Variants in ZNF341 observed in about 807,000 individuals in gnomAD.
The protein encoded by ZNF341 is zinc finger protein 341.
A neutral mutation model predicts 87.7 loss-of-function variants in ZNF341; 52 were observed. That is an observed-to-expected ratio of 0.59 (90% CI 0.47 to 0.75). The LOEUF is 0.75. Among genes scored for constraint, ZNF341 ranks in the 30% least tolerant of loss-of-function variants. ZNF341 has a pLI of 0.00. For synonymous variants in ZNF341, 459 were observed against 472.7 expected, an observed-to-expected ratio of 0.97 and a Z score of 0.38; for missense variants, 977 against 1,145.9, an observed-to-expected ratio of 0.85 and a Z score of 2.13.
intron 10 of ZNF341, among the ~76,000 whole-genome samples, chr20:33,776,821 A>G (rs1240158209): frequency 6.6e-6 from 1 of 151,524 alleles, no homozygotes; most frequent in East Asian, 2.0e-4. Context: ...TCCTAGGTAA[A>G]TTTGTTTGTT....
In ZNF341 at chr20:33,761,896, T is replaced by C; in HGVS notation, c.1063T>C (p.Cys355Arg). ...TGEKPFQCIA[C>R]GRAFAQKSNV... ...TGAGAAGCCCTTCCAGTGCATTGCA[T>C]GTGGCCGTGCCTTTGCCCAGAAGTC... Residue 355 changes from cysteine to arginine, a missense_variant, in exon 8 of 15, where the codon TGT becomes CGT. Transcript: ENST00000375200. The C allele has an allele frequency of 6.3e-7, 1 of 1,587,080 alleles. No homozygotes were observed. The highest frequency in any genetic ancestry group is 8.6e-7 in the Non-Finnish European group (1 of 1,160,396).
chr20:33,758,872 C>T (rs2019235760), intron 7 of ZNF341, 66 bp downstream of exon 7: 17 of 1,393,518 alleles, frequency 1.2e-5, no homozygotes, highest in African/African-American at 2.8e-5. Context: ...GTGCTGGAAG[C>T]GAGACTCCCT....
In ZNF341 at chr20:33,792,038, G is replaced by A. The variant is rs1424492760; in HGVS notation, c.*521G>A. The A allele has an allele frequency of 6.5e-6, 1 of 153,794 alleles. No homozygotes were observed. Among genetic ancestry groups the A allele is most frequent in the Non-Finnish European group, 1.4e-5 (1 of 69,132 alleles). 9.5% of individuals were successfully genotyped at this position (153,794 alleles called of 1,614,324 possible). A position where few individuals can be genotyped will look rare whatever the true frequency, so the allele number is the denominator to read the frequency against. On this transcript the variant is annotated 3_prime_UTR_variant, in exon 15 of 15. Coordinates refer to ENST00000375200, the MANE Select transcript of ZNF341 (RefSeq NM_001282933.2). ...ACTCAGGTGTCACGGCTAGACTGCA[G>A]CTATGAGACAGATCTGGCTTCAAAT...
Position 33,749,167 on chromosome 20 carries a change from C to T in ZNF341, c.489+95C>T, listed in dbSNP as rs929764190. 4.6e-5 allele frequency: 68 copies of T among 1,471,040 alleles called. No homozygotes were observed. The Admixed American group carries it at 1.2e-3, about 26-fold the overall frequency. The allele number at this position is 1,471,040 out of a possible 1,614,324, so 91.1% of individuals were successfully genotyped here. A position where few individuals can be genotyped will look rare whatever the true frequency, so the allele number is the denominator to read the frequency against. On this transcript the variant is annotated intron_variant, in intron 4 of 14. Transcript: ENST00000375200. Reference sequence around the variant, plus strand: ...TCTTGTAGAATAAAGGGGGCCTGGCCCCAGCTCTCCCTGATGCTGAGGGAG... The same window carrying T: ...TCTTGTAGAATAAAGGGGGCCTGGCTCCAGCTCTCCCTGATGCTGAGGGAG...
chr20:33,783,967 C>A, intron 12 of ZNF341, 103 bp downstream of exon 12: 2 of 1,177,462 alleles, frequency 1.7e-6, no homozygotes, highest in East Asian at 2.5e-5. Context: ...GCTCTTCTCC[C>A]TGTCTCCCTC....
intron 1 of ZNF341, among the ~76,000 whole-genome samples, chr20:33,736,665 A>G (rs922559357): frequency 1.3e-5 from 2 of 152,046 alleles, no homozygotes; most frequent in South Asian, 2.1e-4. Context: ...AATTTTTTCT[A>G]TTTTTAGTAG....
At position 33,745,090 on chromosome 20, in the gene ZNF341, G is replaced by C. The variant is rs375153639; in HGVS notation, c.143-13G>C. 9 of 1,605,098 alleles carry C rather than the reference G, an allele frequency of 5.6e-6. No homozygotes were observed. The African/African-American group carries it at 1.2e-4, about 21-fold the overall frequency. The stretch of plus-strand genomic sequence containing the variant: ...TGTGGCCTCTTCCCACTACTCTGCG[G>C]GTATGACCCCAGATGACGAGGATGT... On this transcript the variant is annotated splice_polypyrimidine_tract_variant and intron_variant, in intron 2 of 14. Coordinates refer to ENST00000375200, the MANE Select transcript of ZNF341 (RefSeq NM_001282933.2).
intron 5 of ZNF341, among the ~76,000 whole-genome samples, chr20:33,753,676 T>C (rs971287685): frequency 1.3e-5 from 2 of 152,100 alleles, no homozygotes; most frequent in African/African-American, 4.8e-5. Context: ...AAATATAAGC[T>C]GCCTGCAGGT....
At chr20:33,751,455 G>GCA (rs1420411291) in intron 4 of ZNF341, among the ~76,000 whole-genome samples, 1 of 152,090 alleles carries the variant, frequency 6.6e-6, no homozygotes, top group African/African-American at 2.4e-5. Context: ...GGGGAGGTGG[G>GCA]GAGAGGTTGC....
intron 10 of ZNF341, among the ~76,000 whole-genome samples, chr20:33,778,125 G>A (rs1304254583): frequency 6.6e-6 from 1 of 151,986 alleles, no homozygotes; most frequent in Non-Finnish European, 1.5e-5. Flanking sequence ...CCTGGCTATT[G>A]GTAAACAATC....
intron 5 of ZNF341, among the ~76,000 whole-genome samples, chr20:33,754,118 T>C (rs967038931): frequency 2.0e-5 from 3 of 152,138 alleles, no homozygotes; most frequent in Admixed American, 6.6e-5. Flanking sequence ...ATCACTTCTA[T>C]TGGCCAAAGC....
At chr20:33,776,101 CAG>C (rs2019621106) in intron 10 of ZNF341, among the ~76,000 whole-genome samples, 1 of 151,914 alleles carries the variant, frequency 6.6e-6, no homozygotes, top group Non-Finnish European at 1.5e-5. Context: ...TGTTTAGAGA[CAG>C]GGTCTCACTC....
chr20:33,760,540 A>G (rs183684272), intron 7 of ZNF341, among the ~76,000 whole-genome samples: 79 of 152,028 alleles, frequency 5.2e-4, no homozygotes, highest in African/African-American at 1.8e-3. Flanking sequence ...ATTTTAATGA[A>G]TTTAATTTTT....
At chr20:33,746,796 C>G (rs2018935363) in intron 3 of ZNF341, among the ~76,000 whole-genome samples, 1 of 152,066 alleles carries the variant, frequency 6.6e-6, no homozygotes, top group Non-Finnish European at 1.5e-5. Flanking sequence ...GCTGATAGAA[C>G]TTGTGAATTG....
At position 33,790,973 on chromosome 20, in the gene ZNF341, T is replaced by C; in HGVS notation, c.2036-15T>C. ...AGGTCTGGATGCTTCTCACTGACTTTCCCTTGCCCTCCAGGCATGAAGCTC... is the reference window on the plus strand; with the variant it reads ...AGGTCTGGATGCTTCTCACTGACTTCCCCTTGCCCTCCAGGCATGAAGCTC... On this transcript the variant is annotated splice_polypyrimidine_tract_variant and intron_variant, in intron 14 of 14. Coordinates refer to ENST00000375200, the MANE Select transcript of ZNF341 (RefSeq NM_001282933.2). The C allele has an allele frequency of 1.2e-6, 2 of 1,601,076 alleles. No homozygotes were observed. The highest frequency in any genetic ancestry group is 1.7e-6 in the Non-Finnish European group (2 of 1,172,782).
intron 8 of ZNF341, 70 bp from the exon 9 acceptor site, chr20:33,766,781 A>G: frequency 4.0e-6 from 6 of 1,501,424 alleles, no homozygotes; most frequent in Middle Eastern, 1.8e-4. Flanking sequence ...AGGAGCACGG[A>G]GTAGGGGTTC....
chr20:33,748,307 T>C (rs2018979252), intron 3 of ZNF341, among the ~76,000 whole-genome samples: 1 of 152,008 alleles, frequency 6.6e-6, no homozygotes, highest in African/African-American at 2.4e-5. Flanking sequence ...CTTGACCTCG[T>C]GATCTGCCCG....
At chr20:33,741,167 C>T (rs2018794208) in intron 2 of ZNF341, among the ~76,000 whole-genome samples, 155 bp downstream of exon 2, 1 of 152,188 alleles carries the variant, frequency 6.6e-6, no homozygotes, top group African/African-American at 2.4e-5. Context: ...CAGCCGGGAT[C>T]TTTGGGCTCA....
At chr20:33,744,680 C>T (rs2122644079) in intron 2 of ZNF341, among the ~76,000 whole-genome samples, 1 of 152,238 alleles carries the variant, frequency 6.6e-6, no homozygotes, top group South Asian at 2.1e-4. Flanking sequence ...CAACCTCTGC[C>T]TCCTGGGTTC....
Sources: allele counts gnomAD v4.1 joint callset (sites outside exome capture counted in the v4.1 genomes callset), GRCh38; gene constraint gnomAD v4.1.1; transcripts MANE v1.5; gene names NCBI Gene and HGNC (gene_info 2026-07-23, HGNC 2026-07-21).